Variants in EPHA6 observed in about 807,000 individuals in gnomAD.
The protein encoded by EPHA6 is ephrin type-A receptor 6.
In EPHA6, 50 loss-of-function variants were observed where a neutral mutation model predicts 112.0. The observed-to-expected ratio is 0.45, with a 90% confidence interval of 0.36 to 0.56. EPHA6 has a LOEUF of 0.56. Among genes scored for constraint, EPHA6 ranks in the 20% least tolerant of loss-of-function variants. The pLI, the probability that EPHA6 is intolerant of heterozygous loss-of-function variation, is 0.00. For missense variants in EPHA6, 1,280 were observed against 1,417.4 expected (o/e 0.90, Z 1.56); for synonymous variants, 529 against 490.7 (o/e 1.08, Z -1.03).
At chr3:97,591,289 T>G (rs2093542035) in intron 11 of EPHA6, among the ~76,000 whole-genome samples, 1 of 152,218 alleles carries the variant, frequency 6.6e-6, no homozygotes, top group South Asian at 2.1e-4. Flanking sequence ...ACCAATAACG[T>G]TCTCCATGGA....
chr3:97,064,574 T>G (rs1166668253), intron 3 of EPHA6, among the ~76,000 whole-genome samples: 1 of 152,184 alleles, frequency 6.6e-6, no homozygotes, highest in Non-Finnish European at 1.5e-5. Context: ...TAGTAGTATG[T>G]CAATAATATC....
At chr3:96,885,226 A>C (rs1158343998) in intron 2 of EPHA6, among the ~76,000 whole-genome samples, 1 of 152,086 alleles carries the variant, frequency 6.6e-6, no homozygotes, top group East Asian at 1.9e-4. Context: ...TATTAGGGTG[A>C]TGCTGGCTTC....
chr3:97,491,541 A>G lies in EPHA6; in HGVS notation c.2200+7482A>G, dbSNP rs77257077. ...TTTAGGAAGTTCCTCCCACTTTCTT[A>G]TACCTGTATTCAGTGTGGGTCAATT... On this transcript the variant is annotated intron_variant, in intron 10 of 17. Coordinates refer to ENST00000389672, the MANE Select transcript of EPHA6 (RefSeq NM_001080448.3). Among the ~76,000 whole-genome samples, 1,399 of 151,692 alleles carry G rather than the reference A, an allele frequency of 9.2e-3. 24 individuals are homozygous for G. Among genetic ancestry groups the G allele is most frequent in the African/African-American group, 0.032 (1,340 of 41,364 alleles).
intron 10 of EPHA6, among the ~76,000 whole-genome samples, chr3:97,503,721 G>A (rs1464627207): frequency 6.6e-6 from 1 of 152,052 alleles, no homozygotes; most frequent in African/African-American, 2.4e-5. Flanking sequence ...ACAGTCTGAT[G>A]GCATTAATGA....
intron 10 of EPHA6, among the ~76,000 whole-genome samples, chr3:97,496,173 G>A (rs551150068): frequency 6.6e-6 from 1 of 152,212 alleles, no homozygotes; most frequent in South Asian, 2.1e-4. Flanking sequence ...TGAAGCACAT[G>A]GACTTTCCAT....
At chr3:96,922,379 G>A (rs1279204621) in intron 2 of EPHA6, among the ~76,000 whole-genome samples, 1 of 152,112 alleles carries the variant, frequency 6.6e-6, no homozygotes, top group Non-Finnish European at 1.5e-5. Context: ...GAACTGTTCA[G>A]ATGAAAAAGG....
chr3:96,879,161 T>C lies in EPHA6; in HGVS notation c.450+12272T>C, dbSNP rs534424904. On this transcript the variant is annotated intron_variant, in intron 2 of 17. Transcript: ENST00000389672. ...AAGATAAAACACTTCAGAGGGAAAC[T>C]ATGAATGTTACTGTATTTCTTTATT... Among the ~76,000 whole-genome samples, 5 of 152,206 alleles carry C rather than the reference T, an allele frequency of 3.3e-5. No individual in the cohort carries two copies. The East Asian group carries it at 9.6e-4, about 29-fold the overall frequency.
chr3:97,178,397 G>T (rs116144731), intron 3 of EPHA6, among the ~76,000 whole-genome samples: 3 of 152,032 alleles, frequency 2.0e-5, no homozygotes, highest in Admixed American at 6.6e-5. Context: ...CACCATTGCA[G>T]TGTTATAACA....
intron 2 of EPHA6, among the ~76,000 whole-genome samples, chr3:96,961,810 A>G (rs941527344): frequency 6.6e-6 from 1 of 152,178 alleles, no homozygotes; most frequent in African/African-American, 2.4e-5. Context: ...AATAATTTTC[A>G]TACCAATTGT....
At chr3:97,267,755 GA>G (rs2079735933) in intron 5 of EPHA6, among the ~76,000 whole-genome samples, 1 of 152,080 alleles carries the variant, frequency 6.6e-6, no homozygotes, top group Non-Finnish European at 1.5e-5. Flanking sequence ...CTAGGCCCAA[GA>G]AGGAGTTGTA....
At chr3:96,982,018 T>C (rs1446437449) in intron 2 of EPHA6, among the ~76,000 whole-genome samples, 1 of 152,178 alleles carries the variant, frequency 6.6e-6, no homozygotes, top group Non-Finnish European at 1.5e-5. Flanking sequence ...ACTGGACTCA[T>C]TGAGTTTTTG....
chr3:96,869,109 T>C (rs1311506277), intron 2 of EPHA6, among the ~76,000 whole-genome samples: 2 of 152,042 alleles, frequency 1.3e-5, no homozygotes, highest in African/African-American at 2.4e-5. Context: ...ATTTAAAATA[T>C]ACTTTTTCTT....
At chr3:97,541,163 T>A (rs2092843794) in intron 11 of EPHA6, among the ~76,000 whole-genome samples, 2 of 152,212 alleles carry the variant, frequency 1.3e-5, no homozygotes. Context: ...GAAAATCTGG[T>A]AAGGTCCTCA....
chr3:97,099,843 T>A (rs9810003), intron 3 of EPHA6, among the ~76,000 whole-genome samples: 32,032 of 151,912 alleles, frequency 0.21, 4,788 homozygotes, highest in African/African-American at 0.4. Flanking sequence ...AGCTGACTAC[T>A]TTGGATTATG....
chr3:97,057,192 A>T (rs1323618228), intron 3 of EPHA6, among the ~76,000 whole-genome samples: 2 of 152,174 alleles, frequency 1.3e-5, no homozygotes, highest in Non-Finnish European at 2.9e-5. Flanking sequence ...ATTAATTTTA[A>T]CCATCATCCC....
At position 97,558,284 on chromosome 3, in the gene EPHA6, A is replaced by G. The variant is rs371743310; in HGVS notation, c.2386+25741A>G. Among the ~76,000 whole-genome samples the G allele has an allele frequency of 5.3e-5, 8 of 152,036 alleles. 1 individual carries two copies. The South Asian group carries it at 1.5e-3, about 28-fold the overall frequency. Reference sequence around the variant, plus strand: ...GGCTTTCCCATATCCACAGGCATCTAGCTGAAACAGAACTTCCCCTCTTGT... The same window carrying G: ...GGCTTTCCCATATCCACAGGCATCTGGCTGAAACAGAACTTCCCCTCTTGT... On this transcript the variant is annotated intron_variant, in intron 11 of 17. Transcript: ENST00000389672.
intron 3 of EPHA6, among the ~76,000 whole-genome samples, chr3:97,183,150 T>G (rs2077035935): frequency 6.6e-6 from 1 of 152,144 alleles, no homozygotes; most frequent in East Asian, 1.9e-4. Context: ...CTTTCAAATA[T>G]ATATCTCTAA....
intron 2 of EPHA6, among the ~76,000 whole-genome samples, chr3:96,907,911 G>A (rs1433062349): frequency 6.6e-6 from 1 of 151,760 alleles, no homozygotes; most frequent in Non-Finnish European, 1.5e-5. Flanking sequence ...CTTAGTGACG[G>A]GATATGTTTT....
intron 2 of EPHA6, among the ~76,000 whole-genome samples, chr3:96,970,075 A>G (rs755791222): frequency 6.6e-6 from 1 of 152,032 alleles, no homozygotes; most frequent in Non-Finnish European, 1.5e-5. Flanking sequence ...AGCAAAGATA[A>G]GTGATTTTAT....
Sources: allele counts gnomAD v4.1 joint callset (sites outside exome capture counted in the v4.1 genomes callset), GRCh38; gene constraint gnomAD v4.1.1; transcripts MANE v1.5; gene names NCBI Gene and HGNC (gene_info 2026-07-23, HGNC 2026-07-21).